Variants in BMERB1 observed in about 807,000 individuals in gnomAD.
The protein encoded by BMERB1 is bMERB domain containing 1, also known as bMERB domain-containing protein 1.
BMERB1 carries 12 observed loss-of-function variants against 23.6 expected under a neutral mutation model. That is an observed-to-expected ratio of 0.51 (90% confidence interval 0.33 to 0.82). The LOEUF (loss-of-function observed/expected upper bound fraction) is 0.82. BMERB1 is among the 40% of genes least tolerant of loss of function. BMERB1 has a pLI of 0.03. For missense variants in BMERB1, 247 were observed against 255.4 expected (o/e 0.97, Z 0.22); for synonymous variants, 122 against 96.6 (o/e 1.26, Z -1.54).
intron 1 of BMERB1, among the ~76,000 whole-genome samples, chr16:15,494,684 G>T (rs945439302): frequency 6.6e-6 from 1 of 152,018 alleles, no homozygotes; most frequent in Non-Finnish European, 1.5e-5. Flanking sequence ...GAATAAAGTG[G>T]TTGATCAAAT....
chr16:15,435,997 CT>C (rs1331560244), intron 1 of BMERB1, among the ~76,000 whole-genome samples: 1 of 151,880 alleles, frequency 6.6e-6, no homozygotes, highest in East Asian at 1.9e-4. Flanking sequence ...TGACTTGGTG[CT>C]TTGGCATAAT....
At chr16:15,538,384 C>T (rs1332871606) in intron 2 of BMERB1, among the ~76,000 whole-genome samples, 4 of 151,478 alleles carry the variant, frequency 2.6e-5, no homozygotes, top group African/African-American at 7.3e-5. Context: ...ACCTGAGAGG[C>T]GGAGATTGCA....
intron 2 of BMERB1, among the ~76,000 whole-genome samples, chr16:15,557,846 A>G (rs2030307435): frequency 6.6e-6 from 1 of 152,164 alleles, no homozygotes; most frequent in African/African-American, 2.4e-5. Flanking sequence ...GGAGTTCAAG[A>G]CCAGCCTGGC....
At chr16:15,483,127 C>T (rs1242585835) in intron 1 of BMERB1, among the ~76,000 whole-genome samples, 2 of 152,160 alleles carry the variant, frequency 1.3e-5, no homozygotes, top group Admixed American at 1.3e-4. Context: ...AAATTATGAT[C>T]CTAGTCCCAA....
At chr16:15,539,317 C>T (rs2052056634) in intron 2 of BMERB1, among the ~76,000 whole-genome samples, 1 of 152,068 alleles carries the variant, frequency 6.6e-6, no homozygotes, top group Non-Finnish European at 1.5e-5. Flanking sequence ...AGGGGGAGCT[C>T]AGCCGGTACT....
At chr16:15,445,756 C>G (rs2050983490) in intron 1 of BMERB1, among the ~76,000 whole-genome samples, 1 of 152,136 alleles carries the variant, frequency 6.6e-6, no homozygotes, top group Admixed American at 6.6e-5. Flanking sequence ...TCATAGGACC[C>G]AGACGGTGCA....
At chr16:15,503,097 A>C (rs2051547399) in intron 1 of BMERB1, among the ~76,000 whole-genome samples, 1 of 152,206 alleles carries the variant, frequency 6.6e-6, no homozygotes, top group African/African-American at 2.4e-5. Flanking sequence ...ATATTCAGGA[A>C]AAAAATCCAC....
At chr16:15,501,557 C>T (rs1229609394) in intron 1 of BMERB1, among the ~76,000 whole-genome samples, 2 of 152,174 alleles carry the variant, frequency 1.3e-5, no homozygotes, top group African/African-American at 4.8e-5. Flanking sequence ...TCACTGCAAC[C>T]TCCGCCTCCC....
chr16:15,488,208 G>T (rs1249508168), intron 1 of BMERB1, among the ~76,000 whole-genome samples: 1 of 152,146 alleles, frequency 6.6e-6, no homozygotes, highest in Non-Finnish European at 1.5e-5. Context: ...AATGGGCATG[G>T]ATGTGTTCTA....
chr16:15,483,878 G>A (rs1842137095), intron 1 of BMERB1, among the ~76,000 whole-genome samples: 1 of 152,186 alleles, frequency 6.6e-6, no homozygotes, highest in African/African-American at 2.4e-5. Context: ...TCATGTTGCT[G>A]TAAAGGAATA....
chr16:15,488,843 A>C (rs1472515159), intron 1 of BMERB1, among the ~76,000 whole-genome samples: 1 of 145,666 alleles, frequency 6.9e-6, no homozygotes, highest in Non-Finnish European at 1.5e-5. Flanking sequence ...AAAGATATAT[A>C]GTATTTGTGT....
intron 1 of BMERB1, among the ~76,000 whole-genome samples, chr16:15,480,954 A>C (rs1366870768): frequency 6.6e-6 from 1 of 152,178 alleles, no homozygotes; most frequent in Non-Finnish European, 1.5e-5. Flanking sequence ...AGATATTTGC[A>C]GGAATGCATG....
At chr16:15,542,205 A>C (rs1016350507) in intron 2 of BMERB1, among the ~76,000 whole-genome samples, 1 of 151,778 alleles carries the variant, frequency 6.6e-6, no homozygotes, top group African/African-American at 2.4e-5. Flanking sequence ...CTTGGACTAC[A>C]GGCACGTGCC....
At chr16:15,532,538 C>CTTT (rs2051978571) in intron 2 of BMERB1, among the ~76,000 whole-genome samples, 1 of 95,118 alleles carries the variant, frequency 1.1e-5, no homozygotes, top group Non-Finnish European at 2.1e-5. Context: ...TTTTTTTTTT[C>CTTT]TTTTTCTTTT....
intron 1 of BMERB1, among the ~76,000 whole-genome samples, chr16:15,478,834 A>G (rs1567462031): frequency 6.6e-6 from 1 of 152,154 alleles, no homozygotes; most frequent in Non-Finnish European, 1.5e-5. Flanking sequence ...GAGAGTTATT[A>G]TTGTTACTGA....
chr16:15,444,125 T>TTTTTTTTTTTG (rs2050967732), intron 1 of BMERB1, among the ~76,000 whole-genome samples: 1 of 58,112 alleles, frequency 1.7e-5, no homozygotes, highest in Non-Finnish European at 3.8e-5. Context: ...CCAGCTTTGT[T>TTTTTTTTTTTG]TTTTTTTTTT....
At chr16:15,434,855 A>G in intron 1 of BMERB1, 96 bp downstream of exon 1, 1 of 1,063,058 alleles carries the variant, frequency 9.4e-7, no homozygotes, top group South Asian at 1.6e-5. Context: ...CCAGCAGTGG[A>G]CCCAGGGAAG....
At chr16:15,480,262 C>T (rs1025236900) in intron 1 of BMERB1, among the ~76,000 whole-genome samples, 9 of 151,584 alleles carry the variant, frequency 5.9e-5, no homozygotes, top group Non-Finnish European at 1.5e-5. Flanking sequence ...CAGGCACCCG[C>T]CACTATGCCC....
chr16:15,457,747 A>G (rs1457603228), intron 1 of BMERB1, among the ~76,000 whole-genome samples: 1 of 152,190 alleles, frequency 6.6e-6, no homozygotes, highest in Admixed American at 6.5e-5. Flanking sequence ...TCTTCAAGAA[A>G]TAGCTTGGAC....
Sources: gnomAD v4.1 joint callset for allele counts (sites outside exome capture counted in the v4.1 genomes callset) on GRCh38, gnomAD v4.1.1 for gene constraint, MANE v1.5 for transcripts, NCBI Gene and HGNC (gene_info 2026-07-23, HGNC 2026-07-21) for gene names.